The following MIA2 variants were observed in gnomAD, a reference collection of about 807,000 sequenced individuals.
MIA2 encodes the protein MIA SH3 domain ER export factor 2, also known as melanoma inhibitory activity protein 2.
In MIA2, 127 loss-of-function variants were observed where a neutral mutation model predicts 167.8. The ratio of observed to expected loss-of-function variants is 0.76; its 90% confidence interval spans 0.66 to 0.88. MIA2 has a LOEUF of 0.88. Ranked by LOEUF, MIA2 falls within the 40% of genes least tolerant of loss-of-function variation. The pLI, the probability that MIA2 is intolerant of heterozygous loss-of-function variation, is 0.00. For synonymous variants in MIA2, 552 were observed against 541.9 expected, an observed-to-expected ratio of 1.02 and a Z score of -0.26; for missense variants, 1,690 against 1,624.7, an observed-to-expected ratio of 1.04 and a Z score of -0.69.
rs2075282571 is a variant in MIA2 at position 39,386,970 on chromosome 14, A to G, written c.*18A>G. ...AGAAATGAAGCCGAAGCATTGGCGG[A>G]TGAGACTAACGAGATCTGTGACGAC... On this transcript the variant is annotated 3_prime_UTR_variant, in exon 24 of 24. Transcript: ENST00000341502. 3 of 781,560 alleles carry G rather than the reference A, an allele frequency of 3.8e-6. 1 individual carries two copies. The highest frequency in any genetic ancestry group is 2.9e-5 in the South Asian group (2 of 68,216). 48.4% of individuals were successfully genotyped at this position (781,560 alleles called of 1,614,324 possible).
intron 2 of MIA2, among the ~76,000 whole-genome samples, chr14:39,238,414 C>A (rs995058238): frequency 2.6e-5 from 4 of 151,850 alleles, no homozygotes; most frequent in Non-Finnish European, 5.9e-5. Context: ...CTCAGGTGAT[C>A]CACCTGCCTT....
intron 24 of MIA2, among the ~76,000 whole-genome samples, chr14:39,321,559 A>G (rs1390602723): frequency 1.3e-5 from 2 of 151,262 alleles, no homozygotes; most frequent in Non-Finnish European, 2.9e-5. Context: ...CTCGTGATCC[A>G]CCCTCCTCGG....
At chr14:39,359,715 T>G (rs2074630863) in intron 23 of MIA2, among the ~76,000 whole-genome samples, 1 of 152,202 alleles carries the variant, frequency 6.6e-6, no homozygotes, top group Non-Finnish European at 1.5e-5. Context: ...CCACATTTTC[T>G]TAATTCTTGT....
intron 9 of MIA2, among the ~76,000 whole-genome samples, chr14:39,280,398 A>G (rs76158157): frequency 6.6e-6 from 1 of 151,802 alleles, no homozygotes; most frequent in East Asian, 1.9e-4. Flanking sequence ...TGGAATTGGT[A>G]AGTCATTAGG....
intron 25 of MIA2, among the ~76,000 whole-genome samples, chr14:39,332,451 C>T (rs1266025260): frequency 2.6e-5 from 4 of 152,140 alleles, no homozygotes; most frequent in East Asian, 3.8e-4. Flanking sequence ...GTCCATTTGT[C>T]GAACTCATTG....
At chr14:39,311,502 A>C (rs1416591380) in intron 18 of MIA2, among the ~76,000 whole-genome samples, 1 of 115,364 alleles carries the variant, frequency 8.7e-6, no homozygotes, top group Non-Finnish European at 1.6e-5. Flanking sequence ...TGGTGAGATG[A>C]AGTCTTGCTG....
rs752523418 is a variant in MIA2, at chr14:39,345,960, A to G, written c.3712A>G (p.Asn1238Asp). Reference sequence around the variant, plus strand: ...ACAAAGGCAAGACAGATTTTGTTCTAATTCTGGTAGACTGTCTGGACCAGC... The same window carrying G: ...ACAAAGGCAAGACAGATTTTGTTCTGATTCTGGTAGACTGTCTGGACCAGC... Reference protein sequence around the residue: ...PPQRQDRFCSNSGRLSGPAEL... With the variant: ...PPQRQDRFCSDSGRLSGPAEL... The change falls in exon 26 of 29, where the codon AAT (asparagine) becomes GAT (aspartate). Residue 1238 changes from asparagine to aspartate, a missense_variant. Asn to Asp is a conservative substitution (Grantham distance 23, BLOSUM62 1). Transcript: ENST00000640607. 3 of 1,611,832 alleles carry G rather than the reference A, an allele frequency of 1.9e-6. No homozygotes were observed. Among genetic ancestry groups the G allele is most frequent in the Admixed American group, 3.3e-5 (2 of 59,988 alleles).
rs1479665102 is a variant in MIA2, at chr14:39,315,818, T to C, written c.3216+100T>C. The C allele has an allele frequency of 2.3e-5, 18 of 786,878 alleles. No individual in the cohort carries two copies. In the Admixed American group the frequency reaches 4.9e-4, roughly 21 times the overall value. The allele number at this position is 786,878 out of a possible 1,614,324, so 48.7% of individuals were successfully genotyped here. ...TTAGATGAAAATAAATATAGTATTCTAAAAAATCAGTTTCTTTTAATTTTA... is the reference window on the plus strand; with the variant it reads ...TTAGATGAAAATAAATATAGTATTCCAAAAAATCAGTTTCTTTTAATTTTA... On this transcript the variant is annotated intron_variant, in intron 21 of 28. Transcript: ENST00000640607.
rs7141840 is a variant in MIA2, at chr14:39,234,120, A to G, written c.6A>G (p.Ala2=). M[A]KFGVHRILLL... ...TCCCGGTTGCTTGTTTTAGCATGGC[A>G]AAATTTGGCGTTCACAGAATCCTTC... is the stretch of plus-strand genomic sequence containing the variant. The change falls in exon 1 of 29, where the codon GCA becomes GCG. Residue 2 remains alanine, a synonymous_variant. Coordinates refer to ENST00000640607, the MANE Select transcript of MIA2 (RefSeq NM_001329214.4). 782,643 of 1,595,012 alleles carry G rather than the reference A, an allele frequency of 0.49. 198,980 individuals are homozygous for G. Among genetic ancestry groups the G allele is most frequent in the African/African-American group, 0.83 (61,198 of 74,002 alleles).
At position 39,304,349 on chromosome 14, in the gene MIA2, CTGAAGT is replaced by C; in HGVS notation, c.2850_2855del (p.Glu950_Val951del). ...AGAAACCAAATTTATATTCAGTTGT[CTGAAGT>C]TGATAAAACAAAGGAAGAGCTTACA... On this transcript the variant is annotated inframe_deletion, in exon 17 of 29. Coordinates refer to ENST00000640607, the MANE Select transcript of MIA2 (RefSeq NM_001329214.4). 1 of 1,571,630 alleles carries C rather than the reference CTGAAGT, an allele frequency of 6.4e-7. No homozygotes were observed. Among genetic ancestry groups the C allele is most frequent in the East Asian group, 2.3e-5 (1 of 43,206 alleles).
chr14:39,330,396 T>C (rs1328908130), intron 25 of MIA2, among the ~76,000 whole-genome samples: 1 of 152,138 alleles, frequency 6.6e-6, no homozygotes, highest in Non-Finnish European at 1.5e-5. Flanking sequence ...TCTATTTATT[T>C]TGTTAATCTT....
At chr14:39,336,836 C>T (rs1439034518) in intron 25 of MIA2, among the ~76,000 whole-genome samples, 1 of 152,162 alleles carries the variant, frequency 6.6e-6, no homozygotes, top group Non-Finnish European at 1.5e-5. Context: ...GCCTTGAACT[C>T]CTGATCTCAA....
intron 7 of MIA2, 46 bp from the exon 8 acceptor site, chr14:39,279,291 A>C (rs776378099): frequency 6.5e-7 from 1 of 1,530,340 alleles, no homozygotes; most frequent in Non-Finnish European, 8.9e-7. Flanking sequence ...GATTTACTTG[A>C]GAGCGTATTT....
At chr14:39,341,050 C>G (rs2153051379) in intron 25 of MIA2, among the ~76,000 whole-genome samples, 3 of 152,178 alleles carry the variant, frequency 2.0e-5, no homozygotes, top group African/African-American at 7.2e-5. Flanking sequence ...GCTTGTAATT[C>G]CAGCACTTTG....
chr14:39,318,665 T>G (rs2065902171), intron 22 of MIA2, among the ~76,000 whole-genome samples: 1 of 152,174 alleles, frequency 6.6e-6, no homozygotes, highest in Non-Finnish European at 1.5e-5. Flanking sequence ...AGAAATAAGA[T>G]TCTTTTAAAA....
intron 13 of MIA2, among the ~76,000 whole-genome samples, chr14:39,299,068 TAAAAA>T (rs3065043): frequency 2.3e-5 from 1 of 44,000 alleles, no homozygotes; most frequent in Non-Finnish European, 4.0e-5. Flanking sequence ...TCCCTGCCTC[TAAAAA>T]AAAAAAAAAA....
chr14:39,319,316 A>T, intron 23 of MIA2, 25 bp downstream of exon 23: 1 of 1,289,224 alleles, frequency 7.8e-7, no homozygotes, highest in Non-Finnish European at 1.1e-6. Flanking sequence ...TTTACCCCTC[A>T]TTTAAAATAC....
chr14:39,237,734 A>T (rs1705155920), intron 2 of MIA2, among the ~76,000 whole-genome samples: 1 of 151,964 alleles, frequency 6.6e-6, no homozygotes, highest in Non-Finnish European at 1.5e-5. Context: ...CCAATGGTCA[A>T]GGTTTTTGTT....
rs1272825288 is a variant in MIA2, at chr14:39,388,209, G to T, written c.*1257G>T. 1 of 152,168 alleles carries T rather than the reference G, an allele frequency of 6.6e-6. No individual in the cohort carries two copies. Among genetic ancestry groups the T allele is most frequent in the African/African-American group, 2.4e-5 (1 of 41,434 alleles). 9.4% of individuals were successfully genotyped at this position (152,168 alleles called of 1,614,324 possible). A position where few individuals can be genotyped will look rare whatever the true frequency, so the allele number is the denominator to read the frequency against. On this transcript the variant is annotated 3_prime_UTR_variant, in exon 24 of 24. Coordinates refer to the MIA2 transcript ENST00000341502. The surrounding 1 kb of genome is among the most constrained non-coding windows in gnomAD (Gnocchi z 4.1). Reference sequence around the variant, plus strand: ...ACTTTGGTCAATATACAAAGCTGTTGATAAAGTAAGGCATACCCATGTAGA... The same window carrying T: ...ACTTTGGTCAATATACAAAGCTGTTTATAAAGTAAGGCATACCCATGTAGA...
Sources: allele counts gnomAD v4.1 joint callset (sites outside exome capture counted in the v4.1 genomes callset), GRCh38; gene constraint gnomAD v4.1.1; non-coding constraint Gnocchi (gnomAD v3.1); transcripts MANE v1.5; gene names NCBI Gene and HGNC (gene_info 2026-07-23, HGNC 2026-07-21).